ATP12A: variants seen among roughly 807,000 people sequenced by gnomAD.
ATP12A encodes the protein ATPase H+/K+ transporting non-gastric alpha2 subunit, also known as potassium-transporting ATPase alpha chain 2.
A neutral mutation model predicts 111.2 loss-of-function variants in ATP12A; 81 were observed. That is an observed-to-expected ratio of 0.73 (90% CI 0.61 to 0.88). The LOEUF is 0.88. Ranked by LOEUF, ATP12A falls within the 40% of genes least tolerant of loss-of-function variation. The pLI is 0.00. For missense variants in ATP12A, 1,196 were observed against 1,313.1 expected (o/e 0.91, Z 1.38); for synonymous variants, 498 against 499.8 (o/e 1.00, Z 0.05).
chr13:24,706,015 A>T (rs1428693068), intron 14 of ATP12A, among the ~76,000 whole-genome samples: 1 of 152,190 alleles, frequency 6.6e-6, no homozygotes, highest in Non-Finnish European at 1.5e-5. Context: ...TCTGAAGTAA[A>T]GCGTTGCTCT....
At position 24,698,709 on chromosome 13, in the gene ATP12A, A is replaced by T; in HGVS notation, c.1564A>T (p.Met522Leu). ...DPHGKRFLMV[M>L]KGAPERILEK... ...CCACGGCAAGCGCTTCCTCATGGTG[A>T]TGAAGGGGGCCCCTGAGCGCATCCT... The change falls in exon 12 of 23, where the codon ATG (methionine) becomes TTG (leucine). Residue 522 changes from methionine to leucine, a missense_variant. By Grantham distance (15) the Met-to-Leu change is conservative. Transcript: ENST00000381946. The T allele has an allele frequency of 6.2e-7, 1 of 1,613,914 alleles. No homozygotes were observed. Among genetic ancestry groups the T allele is most frequent in the Non-Finnish European group, 8.5e-7 (1 of 1,180,006 alleles).
intron 21 of ATP12A, 117 bp downstream of exon 21, chr13:24,711,010 A>C: frequency 1.1e-6 from 1 of 940,974 alleles, no homozygotes; most frequent in Non-Finnish European, 1.6e-6. Context: ...AAGACGTCAA[A>C]CTGATCCCAT....
intron 17 of ATP12A, among the ~76,000 whole-genome samples, chr13:24,708,925 G>GAA (rs1566078249): frequency 2.2e-5 from 3 of 133,700 alleles, no homozygotes; most frequent in African/African-American, 6.2e-5. Context: ...AAGAAAGAAA[G>GAA]AAAGAAAGAA....
chr13:24,684,344 C>A (rs898975479), intron 2 of ATP12A, among the ~76,000 whole-genome samples: 1 of 152,146 alleles, frequency 6.6e-6, no homozygotes, highest in Non-Finnish European at 1.5e-5. Flanking sequence ...TATTGGAAGG[C>A]CTAGTCTCTT....
Position 24,700,898 on chromosome 13 carries a change from C to CAAAT in ATP12A, c.1858_1861dup (p.Cys621Ter). The stretch of plus-strand genomic sequence containing the variant: ...GGTCCACCGTGCCAGATGCAGTCAC[C>CAAAT]AAATGCCGGAGTGCAGGGATCAAGG... On this transcript the variant is annotated frameshift_variant, in exon 13 of 23. Coordinates refer to ENST00000381946, the MANE Select transcript of ATP12A (RefSeq NM_001676.7). LOFTEE classifies it high-confidence loss of function. 1 of 1,614,156 alleles carries CAAAT rather than the reference C, an allele frequency of 6.2e-7. No individual in the cohort carries two copies. Among genetic ancestry groups the CAAAT allele is most frequent in the Non-Finnish European group, 8.5e-7 (1 of 1,180,012 alleles).
At chr13:24,702,570 G>GC (rs1443160855) in intron 14 of ATP12A, among the ~76,000 whole-genome samples, 2 of 152,260 alleles carry the variant, frequency 1.3e-5, no homozygotes, top group East Asian at 3.9e-4. Context: ...CCTAAGGAAA[G>GC]TTTTTTTCCT....
chr13:24,698,681 C>T lies in ATP12A; in HGVS notation c.1536C>T (p.Asp512=), dbSNP rs1194099231. ...AGCTCTCCATCCACGAGATGGATGA[C>T]CCCCACGGCAAGCGCTTCCTCATGG... ...KFQLSIHEMD[D]PHGKRFLMVM... The change falls in exon 12 of 23, where the codon GAC becomes GAT. Residue 512 remains aspartate, a synonymous_variant. Transcript: ENST00000381946. 1.2e-6 allele frequency: 2 copies of T among 1,613,640 alleles called. No individual in the cohort carries two copies. Among genetic ancestry groups the T allele is most frequent in the Admixed American group, 3.3e-5 (2 of 60,014 alleles).
At chr13:24,708,965 G>GA (rs1875831420) in intron 17 of ATP12A, among the ~76,000 whole-genome samples, 1 of 118,306 alleles carries the variant, frequency 8.5e-6, no homozygotes, top group African/African-American at 3.1e-5. Context: ...AAGAAAGAAG[G>GA]AAAGAGAAAG....
Position 24,689,248 on chromosome 13 carries a change from T to C in ATP12A, c.433-14T>C. Reference sequence around the variant, plus strand: ...CTGCTGGTTTCTCTGACTGACGCCCTCCTTCTCACCCAGGTGTACTTGGGC... The same window carrying C: ...CTGCTGGTTTCTCTGACTGACGCCCCCCTTCTCACCCAGGTGTACTTGGGC... On this transcript the variant is annotated splice_polypyrimidine_tract_variant and intron_variant, in intron 4 of 22. Coordinates refer to ENST00000381946, the MANE Select transcript of ATP12A (RefSeq NM_001676.7). The C allele has an allele frequency of 6.2e-7, 1 of 1,611,900 alleles. No individual in the cohort carries two copies. Among genetic ancestry groups the C allele is most frequent in the Non-Finnish European group, 8.5e-7 (1 of 1,178,054 alleles).
At chr13:24,697,871 A>C (rs1875232713) in intron 11 of ATP12A, among the ~76,000 whole-genome samples, 1 of 151,900 alleles carries the variant, frequency 6.6e-6, no homozygotes, top group South Asian at 2.1e-4. Flanking sequence ...AGTCTAAGAA[A>C]TACTGATTTG....
chr13:24,692,454 G>A lies in ATP12A; in HGVS notation c.1094G>A (p.Arg365Gln), dbSNP rs769933522. ...VTVTLSLTAK[R>Q]MAKKNCLVKN... is the part of the protein sequence containing the mutation. ...GTGACCCTGTCGCTGACAGCAAAAC[G>A]GATGGCCAAGAAGAACTGCCTGGTG... Residue 365 changes from arginine to glutamine, a missense_variant, in exon 9 of 23, where the codon CGG becomes CAG. Physicochemically the swap from Arg to Gln is conservative, Grantham distance 43. This residue lies in a region of ATP12A where 1,126 missense variants were observed against 1,228.5 expected (regional missense o/e 0.92). Transcript: ENST00000381946. 59 of 1,613,836 alleles carry A rather than the reference G, an allele frequency of 3.7e-5. No homozygotes were observed. Among genetic ancestry groups the A allele is most frequent in the Non-Finnish European group, 4.8e-5 (57 of 1,180,042 alleles).
At chr13:24,684,213 T>A (rs1182912344) in intron 2 of ATP12A, among the ~76,000 whole-genome samples, 1 of 152,126 alleles carries the variant, frequency 6.6e-6, no homozygotes, top group Non-Finnish European at 1.5e-5. Flanking sequence ...GCCTTAATCT[T>A]CTGAATCCCC....
rs1874774059 is a variant in ATP12A at position 24,689,112 on chromosome 13, TGCGCACTTAACATGG to T, written c.433-146_433-132del. On this transcript the variant is annotated intron_variant, in intron 4 of 22. Coordinates refer to ENST00000381946, the MANE Select transcript of ATP12A (RefSeq NM_001676.7). ...AACTTAAAAAAAAAAATCAATAAGT[TGCGCACTTAACATGG>T]GCGAATTCCATGGCCTGTAAATTAT... 1.4e-5 allele frequency: 9 copies of T among 647,708 alleles called. No homozygotes were observed. In the South Asian group the frequency reaches 1.5e-4, roughly 11 times the overall value. The allele number at this position is 647,708 out of a possible 1,614,324, so 40.1% of individuals were successfully genotyped here. A position where few individuals can be genotyped will look rare whatever the true frequency, so the allele number is the denominator to read the frequency against.
At chr13:24,684,153 T>G (rs1428605352) in intron 2 of ATP12A, among the ~76,000 whole-genome samples, 2 of 151,958 alleles carry the variant, frequency 1.3e-5, no homozygotes, top group Non-Finnish European at 2.9e-5. Context: ...ATCCACTACT[T>G]GTATCTGCCC....
At chr13:24,707,727 A>G (rs983869552) in intron 17 of ATP12A, among the ~76,000 whole-genome samples, 27 of 152,144 alleles carry the variant, frequency 1.8e-4, no homozygotes, top group African/African-American at 6.3e-4. Flanking sequence ...CACCTAGGCT[A>G]GAGTGCAGTG....
rs1874388611 is a variant in ATP12A, at chr13:24,680,534, C to T, written c.-210C>T. The stretch of plus-strand genomic sequence containing the variant: ...GCGGGGACGTGGGCGGGGCGGGCGG[C>T]ATTTAAGGCTGGTGCCACCTCCCCG... On this transcript the variant is annotated 5_prime_UTR_variant, in exon 1 of 23. Transcript: ENST00000381946. 1.9e-6 allele frequency: 1 copy of T among 517,168 alleles called. No homozygotes were observed. The highest frequency in any genetic ancestry group is 3.1e-5 in the South Asian group (1 of 31,956). 32.0% of individuals were successfully genotyped at this position (517,168 alleles called of 1,614,324 possible). A position where few individuals can be genotyped will look rare whatever the true frequency, so the allele number is the denominator to read the frequency against.
intron 11 of ATP12A, among the ~76,000 whole-genome samples, chr13:24,697,225 C>A (rs956859528): frequency 2.6e-5 from 4 of 152,034 alleles, no homozygotes; most frequent in African/African-American, 9.7e-5. Context: ...GTACCCATGG[C>A]CTTAAAGTTG....
In ATP12A at chr13:24,688,304, G is replaced by T; in HGVS notation, c.229-15G>T. ...TTTGTTTTGGTTGTGCATGTGCTTT[G>T]TTTGGCTTTCCCAGGGTCTCTCCAG... is the stretch of plus-strand genomic sequence containing the variant. On this transcript the variant is annotated splice_polypyrimidine_tract_variant and intron_variant, in intron 3 of 22. Coordinates refer to ENST00000381946, the MANE Select transcript of ATP12A (RefSeq NM_001676.7). 6.2e-7 allele frequency: 1 copy of T among 1,602,170 alleles called. No individual in the cohort carries two copies. Among genetic ancestry groups the T allele is most frequent in the South Asian group, 1.1e-5 (1 of 89,414 alleles).
At chr13:24,687,911 C>T (rs1285186129) in intron 3 of ATP12A, among the ~76,000 whole-genome samples, 1 of 152,200 alleles carries the variant, frequency 6.6e-6, no homozygotes, top group Non-Finnish European at 1.5e-5. Context: ...AACCCCTTAG[C>T]AGAGCAGAGT....
Sources: allele counts gnomAD v4.1 joint callset (sites outside exome capture counted in the v4.1 genomes callset), GRCh38; gene constraint gnomAD v4.1.1; regional missense constraint gnomAD v4.1.1; transcripts MANE v1.5; gene names NCBI Gene and HGNC (gene_info 2026-07-23, HGNC 2026-07-21).